Variants in UTP20 observed in about 807,000 individuals in gnomAD.
UTP20 encodes UTP20 small subunit processome component, also known as small subunit processome component 20 homolog.
In UTP20, 164 loss-of-function variants were observed where a neutral mutation model predicts 329.5. That is an observed-to-expected ratio of 0.50 (90% CI 0.44 to 0.57). The LOEUF (loss-of-function observed/expected upper bound fraction) is 0.57, where lower values mean the gene tolerates loss of function less well. Ranked by LOEUF, UTP20 falls within the 20% of genes least tolerant of loss-of-function variation. The probability of loss-of-function intolerance (pLI) is 0.00; values close to 1 mark genes in which losing one functional copy is unlikely to be tolerated. For synonymous variants in UTP20, 1,151 were observed against 1,159.3 expected, an observed-to-expected ratio of 0.99 and a Z score of 0.14; for missense variants, 3,055 against 3,284.2, an observed-to-expected ratio of 0.93 and a Z score of 1.71.
intron 32 of UTP20, among the ~76,000 whole-genome samples, chr12:101,341,403 C>A (rs1446524236): frequency 6.6e-6 from 1 of 152,160 alleles, no homozygotes; most frequent in Admixed American, 6.5e-5. Context: ...AATTAGGAGT[C>A]CTCCAGTGGC....
At chr12:101,365,649 GT>G in intron 46 of UTP20, 24 bp downstream of exon 46, 1 of 1,529,180 alleles carries the variant, frequency 6.5e-7, no homozygotes, top group Non-Finnish European at 8.8e-7. Flanking sequence ...AAAACAAACT[GT>G]CATTTAGGTC....
At chr12:101,375,002 T>C in intron 55 of UTP20, 63 bp downstream of exon 55, 2 of 1,221,456 alleles carry the variant, frequency 1.6e-6, no homozygotes, top group Non-Finnish European at 2.4e-6. Context: ...GTGATGTAGC[T>C]AACAGATTAG....
intron 42 of UTP20, 34 bp from the exon 43 acceptor site, chr12:101,356,892 T>G: frequency 6.3e-7 from 1 of 1,587,750 alleles, no homozygotes; most frequent in Non-Finnish European, 8.6e-7. Flanking sequence ...TTCTGTTTAT[T>G]TGATTAGTCA....
In UTP20 at chr12:101,280,246, T is replaced by C; in HGVS notation, c.-37T>C. On this transcript the variant is annotated 5_prime_UTR_variant, in exon 1 of 62. Transcript: ENST00000261637. ...ACTGTCGGTTGCATCCCTTCGACACTCCCGAGGCCGTCGCGGGCCACTGGC... is the reference window on the plus strand; with the variant it reads ...ACTGTCGGTTGCATCCCTTCGACACCCCCGAGGCCGTCGCGGGCCACTGGC... 6.4e-7 allele frequency: 1 copy of C among 1,550,428 alleles called. No individual in the cohort carries two copies. The highest frequency in any genetic ancestry group is 1.2e-5 in the South Asian group (1 of 84,026).
intron 29 of UTP20, among the ~76,000 whole-genome samples, chr12:101,335,604 A>C (rs1025887387): frequency 6.6e-6 from 1 of 152,214 alleles, no homozygotes; most frequent in Non-Finnish European, 1.5e-5. Context: ...CTAAATGTAC[A>C]TTCAGCTCTC....
intron 51 of UTP20, 39 bp from the exon 52 acceptor site, chr12:101,372,845 T>G: frequency 4.7e-4 from 713 of 1,505,044 alleles, no homozygotes; most frequent in Non-Finnish European, 6.0e-4. Context: ...ATACTAGAGG[T>G]GAGATCCAAA....
At chr12:101,371,287 T>G in intron 51 of UTP20, 119 bp downstream of exon 51, 1 of 768,124 alleles carries the variant, frequency 1.3e-6, no homozygotes, top group South Asian at 2.5e-5. Flanking sequence ...TGCTTTATGC[T>G]GAGACTTGGG....
At chr12:101,331,886 G>GTTT (rs1039604792) in intron 27 of UTP20, among the ~76,000 whole-genome samples, 1 of 142,812 alleles carries the variant, frequency 7.0e-6, no homozygotes. Context: ...TCTCCCATTT[G>GTTT]TTTTTTTTTT....
intron 8 of UTP20, chr12:101,291,540 C>CAAAA (rs34248827): frequency 1.4e-4 from 11 of 77,152 alleles, no homozygotes; most frequent in African/African-American, 1.7e-4. Context: ...AACTCCATCT[C>CAAAA]AAAAAAAAAA....
At chr12:101,364,159 C>G (rs1870022157) in intron 45 of UTP20, among the ~76,000 whole-genome samples, 1 of 152,150 alleles carries the variant, frequency 6.6e-6, no homozygotes, top group Non-Finnish European at 1.5e-5. Context: ...GTAATTCCAG[C>G]AATTTGGAAA....
chr12:101,311,977 A>C, intron 20 of UTP20, 59 bp from the exon 21 acceptor site: 1 of 1,604,834 alleles, frequency 6.2e-7, no homozygotes. Flanking sequence ...CTCTTGAGAA[A>C]ACACTTAAGA....
At chr12:101,382,925 C>G (rs902875178) in intron 58 of UTP20, 116 bp from the exon 59 acceptor site, 1 of 1,245,276 alleles carries the variant, frequency 8.0e-7, no homozygotes, top group African/African-American at 1.5e-5. Context: ...GTTGTAATAC[C>G]TAGTTTGTTT....
chr12:101,373,282 G>A, intron 52 of UTP20, 119 bp from the exon 53 acceptor site: 1 of 952,800 alleles, frequency 1.0e-6, no homozygotes, highest in South Asian at 1.6e-5. Context: ...TAGGAAAACA[G>A]AGCATTTTCC....
At chr12:101,351,128 ATT>A (rs59987232) in intron 38 of UTP20, among the ~76,000 whole-genome samples, 2 of 143,164 alleles carry the variant, frequency 1.4e-5, no homozygotes, top group Non-Finnish European at 1.5e-5. Flanking sequence ...CGTTTCATGC[ATT>A]TTTTTTTTTT....
At chr12:101,312,396 A>G (rs1872822081) in intron 21 of UTP20, 120 bp downstream of exon 21, 9 of 1,349,370 alleles carry the variant, frequency 6.7e-6, no homozygotes, top group Non-Finnish European at 9.0e-6. Flanking sequence ...TCTGCTTCCA[A>G]TCATCCATTA....
rs1871747447 is a variant in UTP20 at position 101,280,214 on chromosome 12, C to A, written c.-69C>A. On this transcript the variant is annotated 5_prime_UTR_variant, in exon 1 of 62. Coordinates refer to ENST00000261637, the MANE Select transcript of UTP20 (RefSeq NM_014503.3). ...GAGTATAGCCTGTGAGCCGCTTTCC[C>A]CTCCTTACTGTCGGTTGCATCCCTT... The A allele has an allele frequency of 2.9e-5, 45 of 1,538,240 alleles. No individual in the cohort carries two copies. The South Asian group carries it at 4.9e-4, about 17-fold the overall frequency.
intron 12 of UTP20, 109 bp downstream of exon 12, chr12:101,295,767 A>C: frequency 3.2e-6 from 4 of 1,250,504 alleles, no homozygotes; most frequent in Non-Finnish European, 4.3e-6. Flanking sequence ...AAAGATGTCC[A>C]TGATAAGTTG....
chr12:101,375,302 T>A (rs1870437323), intron 55 of UTP20, among the ~76,000 whole-genome samples: 1 of 152,100 alleles, frequency 6.6e-6, no homozygotes, highest in African/African-American at 2.4e-5. Flanking sequence ...TTAAAGTATC[T>A]TCATGGTATA....
intron 36 of UTP20, 57 bp from the exon 37 acceptor site, chr12:101,345,497 T>A (rs1869292536): frequency 8.9e-7 from 1 of 1,122,142 alleles, no homozygotes; most frequent in East Asian, 2.7e-5. Context: ...TGTTTCCTCA[T>A]ATTAGAAACA....
Sources: gnomAD v4.1 joint callset for allele counts (sites outside exome capture counted in the v4.1 genomes callset) on GRCh38, gnomAD v4.1.1 for gene constraint, MANE v1.5 for transcripts, NCBI Gene and HGNC (gene_info 2026-07-23, HGNC 2026-07-21) for gene names.